KIF21A: variants seen among roughly 807,000 people sequenced by gnomAD.
The protein encoded by KIF21A is kinesin-like protein KIF21A.
A neutral mutation model predicts 202.9 loss-of-function variants in KIF21A; 114 were observed. That is an observed-to-expected ratio of 0.56 (90% confidence interval 0.48 to 0.66). KIF21A has a LOEUF of 0.66. Ranked by LOEUF, KIF21A falls within the 30% of genes least tolerant of loss-of-function variation. The pLI is 0.00. For synonymous variants in KIF21A, 667 were observed against 670.8 expected (o/e 0.99, Z 0.09); for missense variants, 1,677 against 1,994.9 (o/e 0.84, Z 3.04).
At chr12:39,384,186 T>C (rs1950794205) in intron 1 of KIF21A, among the ~76,000 whole-genome samples, 1 of 152,140 alleles carries the variant, frequency 6.6e-6, no homozygotes, top group South Asian at 2.1e-4. Flanking sequence ...ACCAAAGAAA[T>C]GTGCTTTGCT....
intron 1 of KIF21A, among the ~76,000 whole-genome samples, chr12:39,415,568 T>C (rs1271734262): frequency 6.6e-6 from 1 of 152,198 alleles, no homozygotes; most frequent in Non-Finnish European, 1.5e-5. Flanking sequence ...AGAATGCTTC[T>C]TTAAAACATA....
At chr12:39,301,383 G>T in intron 37 of KIF21A, 97 bp downstream of exon 37, 1 of 972,314 alleles carries the variant, frequency 1.0e-6, no homozygotes, top group South Asian at 1.3e-5. Flanking sequence ...TTATAAGAAG[G>T]ATTTTGTATA....
Position 39,311,435 on chromosome 12 carries a change from G to A in KIF21A, c.4078C>T (p.Leu1360Phe). 6.2e-7 allele frequency: 1 copy of A among 1,612,892 alleles called. No individual in the cohort carries two copies. Among genetic ancestry groups the A allele is most frequent in the Non-Finnish European group, 8.5e-7 (1 of 1,179,104 alleles). ...VLCVDSTDDL[L>F]FTGSKDRTCK... ...CTAGCACCTTTTGATCCAGTGAAGA[G>A]GAGATCATCAGTAGAATCCACACAG... is the stretch of plus-strand genomic sequence containing the variant. The change falls in exon 32 of 38, where the codon CTC becomes TTC. Residue 1360 changes from leucine to phenylalanine, a missense_variant. This residue lies in a region of KIF21A where 705 missense variants were observed against 791.9 expected (regional missense o/e 0.89). Transcript: ENST00000361418.
chr12:39,305,368 G>GAA (rs539400060), intron 34 of KIF21A, among the ~76,000 whole-genome samples: 15 of 78,776 alleles, frequency 1.9e-4, no homozygotes, highest in South Asian at 7.3e-4. Flanking sequence ...TCCGACTCAA[G>GAA]AAAAAAAAAA....
intron 1 of KIF21A, among the ~76,000 whole-genome samples, chr12:39,396,608 A>G (rs1170898755): frequency 6.6e-6 from 1 of 152,214 alleles, no homozygotes; most frequent in African/African-American, 2.4e-5. Flanking sequence ...TTATTATATA[A>G]TAGAAATTGA....
At chr12:39,315,743 A>G in intron 30 of KIF21A, 189 bp downstream of exon 30, 1 of 654,734 alleles carries the variant, frequency 1.5e-6, no homozygotes. Context: ...AAAAAAAACC[A>G]CTACTTTATC....
rs1555200428 is a variant in KIF21A at position 39,421,723 on chromosome 12, T to TTATTTATATA, written c.44+21203_44+21204insTATATAAATA. The stretch of plus-strand genomic sequence containing the variant: ...AAATAAATAAATAAATATATATAAT[T>TTATTTATATA]TATATATATATATATATATACACAT... On this transcript the variant is annotated intron_variant, in intron 1 of 37. Coordinates refer to ENST00000361418, the MANE Select transcript of KIF21A (RefSeq NM_001173464.2). 3.0e-5 allele frequency among the ~76,000 whole-genome samples: 4 copies of TTATTTATATA among 135,026 alleles called. No individual in the cohort carries two copies. In the Admixed American group the frequency reaches 3.0e-4, roughly 10 times the overall value. 88.6% of individuals were successfully genotyped at this position (135,026 alleles called of 152,430 possible).
chr12:39,310,592 C>CT (rs1422146366), intron 32 of KIF21A, among the ~76,000 whole-genome samples: 2 of 152,020 alleles, frequency 1.3e-5, no homozygotes, highest in African/African-American at 4.8e-5. Flanking sequence ...GAATTAGTTT[C>CT]CAAACATGCT....
At chr12:39,403,421 A>C (rs1220369450) in intron 1 of KIF21A, among the ~76,000 whole-genome samples, 3 of 152,220 alleles carry the variant, frequency 2.0e-5, no homozygotes, top group Non-Finnish European at 2.9e-5. Context: ...ATACATATAC[A>C]CCTACATATT....
At chr12:39,318,310 C>T (rs1944804701) in intron 28 of KIF21A, 109 bp from the exon 29 acceptor site, 4 of 985,720 alleles carry the variant, frequency 4.1e-6, no homozygotes, top group Non-Finnish European at 6.1e-6. Flanking sequence ...TAGAGAACTC[C>T]TTCTTTCCTT....
At chr12:39,325,942 T>C (rs1945856312) in intron 25 of KIF21A, 49 bp from the exon 26 acceptor site, 4 of 1,424,712 alleles carry the variant, frequency 2.8e-6, no homozygotes, top group African/African-American at 2.8e-5. Context: ...AAAATTATTA[T>C]AGAAAACTAT....
chr12:39,301,102 G>T (rs909003860), intron 37 of KIF21A, among the ~76,000 whole-genome samples: 7 of 152,182 alleles, frequency 4.6e-5, no homozygotes, highest in African/African-American at 7.2e-5. Flanking sequence ...TTAAAGGGAG[G>T]AGGAAGCACA....
Position 39,341,923 on chromosome 12 carries a change from GA to G in KIF21A, c.1803+110del, listed in dbSNP as rs1947477747. 23 of 768,906 alleles carry G rather than the reference GA, an allele frequency of 3.0e-5. No homozygotes were observed. In the East Asian group the frequency reaches 6.0e-4, roughly 20 times the overall value. 47.6% of individuals were successfully genotyped at this position (768,906 alleles called of 1,614,324 possible). A position where few individuals can be genotyped will look rare whatever the true frequency, so the allele number is the denominator to read the frequency against. ...CATCTTCAAAGAAATAGATTAAACAGAATGCATCATAAGCAGTTCACTTTTC... is the reference window on the plus strand; with the variant it reads ...CATCTTCAAAGAAATAGATTAAACAGATGCATCATAAGCAGTTCACTTTTC... On this transcript the variant is annotated intron_variant, in intron 13 of 37. Coordinates refer to ENST00000361418, the MANE Select transcript of KIF21A (RefSeq NM_001173464.2).
chr12:39,418,652 A>G (rs1389719017), intron 1 of KIF21A, among the ~76,000 whole-genome samples: 1 of 152,238 alleles, frequency 6.6e-6, no homozygotes, highest in Non-Finnish European at 1.5e-5. Context: ...CAGTAGCATC[A>G]GTGAGAATTC....
chr12:39,311,463 C>T lies in KIF21A; in HGVS notation c.4050G>A (p.Val1350=). 4 of 1,613,184 alleles carry T rather than the reference C, an allele frequency of 2.5e-6. No individual in the cohort carries two copies. The highest frequency in any genetic ancestry group is 3.4e-6 in the Non-Finnish European group (4 of 1,179,298). Residue 1350 remains valine (V), a synonymous_variant, in exon 32 of 38, where the codon GTG becomes GTA. Transcript: ENST00000361418. ...GATCATCAGTAGAATCCACACAGAG[C>T]ACAGCTTTTGTATGCCCTTCAGCTA... is the stretch of plus-strand genomic sequence containing the variant. ...IHIAEGHTKA[V]LCVDSTDDLL...
intron 28 of KIF21A, among the ~76,000 whole-genome samples, chr12:39,318,913 G>A (rs952979154): frequency 6.6e-6 from 1 of 151,928 alleles, no homozygotes; most frequent in South Asian, 2.1e-4. Flanking sequence ...CCCGGGAGGC[G>A]GAGTTTGCAG....
At chr12:39,429,606 T>G (rs1667341131) in intron 1 of KIF21A, among the ~76,000 whole-genome samples, 2 of 152,206 alleles carry the variant, frequency 1.3e-5, no homozygotes, top group Non-Finnish European at 1.5e-5. Flanking sequence ...TTCTGAGTGC[T>G]TTATGTCAAT....
intron 1 of KIF21A, among the ~76,000 whole-genome samples, chr12:39,422,821 C>T (rs1954412731): frequency 6.6e-6 from 1 of 152,216 alleles, no homozygotes. Context: ...GCCCCATCAT[C>T]TATCTTTCAT....
At chr12:39,334,734 A>G (rs1296794558) in intron 17 of KIF21A, among the ~76,000 whole-genome samples, 1 of 152,210 alleles carries the variant, frequency 6.6e-6, no homozygotes, top group Non-Finnish European at 1.5e-5. Flanking sequence ...GGAGGTCAAT[A>G]TGTACACAAG....
Sources: gnomAD v4.1 joint callset for allele counts (sites outside exome capture counted in the v4.1 genomes callset) on GRCh38, gnomAD v4.1.1 for gene constraint, gnomAD v4.1.1 regional missense constraint, MANE v1.5 for transcripts, NCBI Gene and HGNC (gene_info 2026-07-23, HGNC 2026-07-21) for gene names.